The following SNX7 variants were observed in gnomAD, a reference collection of about 807,000 sequenced individuals.
The protein encoded by SNX7 is sorting nexin 7, also known as sorting nexin-7.
Under a neutral mutation model 48.4 loss-of-function variants are expected in SNX7, and 35 were observed. The observed-to-expected ratio is 0.72, with a 90% CI of 0.55 to 0.96. The LOEUF (loss-of-function observed/expected upper bound fraction) is 0.96, where lower values mean the gene tolerates loss of function less well. Ranked by LOEUF, SNX7 falls within the 40% of genes least tolerant of loss-of-function variation. SNX7 has a pLI of 0.00. For missense variants in SNX7, 553 were observed against 548.9 expected, an observed-to-expected ratio of 1.01 and a Z score of -0.07; for synonymous variants, 190 against 190.2, an observed-to-expected ratio of 1.00 and a Z score of 0.01.
chr1:98,704,522 G>A (rs1651918615), intron 7 of SNX7, among the ~76,000 whole-genome samples: 1 of 152,156 alleles, frequency 6.6e-6, no homozygotes, highest in East Asian at 1.9e-4. Context: ...ATCTACCAGA[G>A]TTACTCTAAA....
intron 1 of SNX7, among the ~76,000 whole-genome samples, chr1:98,669,402 TC>T (rs1649723858): frequency 6.6e-6 from 1 of 152,190 alleles, no homozygotes; most frequent in South Asian, 2.1e-4. Context: ...TTCTATGTGT[TC>T]CCAGCAAATC....
intron 8 of SNX7, among the ~76,000 whole-genome samples, chr1:98,742,945 T>C (rs1654142564): frequency 1.3e-5 from 2 of 152,072 alleles, no homozygotes; most frequent in Admixed American, 1.3e-4. Context: ...AATTTTCTTA[T>C]GATACATCAT....
chr1:98,686,714 A>G (rs1650821784), intron 2 of SNX7, among the ~76,000 whole-genome samples: 1 of 152,028 alleles, frequency 6.6e-6, no homozygotes, highest in Admixed American at 6.6e-5. Flanking sequence ...ACCTCTCTAT[A>G]TTAGTTTTCT....
At chr1:98,675,082 GACAC>G (rs1420721759) in intron 1 of SNX7, among the ~76,000 whole-genome samples, 52 of 152,140 alleles carry the variant, frequency 3.4e-4, no homozygotes, top group Non-Finnish European at 1.5e-5. Context: ...GAGACAGAGA[GACAC>G]ACATCCATTA....
intron 1 of SNX7, among the ~76,000 whole-genome samples, chr1:98,679,018 G>A (rs910365852): frequency 6.6e-6 from 1 of 152,178 alleles, no homozygotes; most frequent in African/African-American, 2.4e-5. Flanking sequence ...CTGGCAGGAT[G>A]TATTAATCTG....
chr1:98,663,250 CTGGTTTTTTTTTT>C (rs1649347836), intron 1 of SNX7, among the ~76,000 whole-genome samples: 2 of 52,192 alleles, frequency 3.8e-5, no homozygotes, highest in Admixed American at 2.9e-4. Context: ...GGGTTTCTTT[CTGGTTTTTTTTTT>C]TTTTTTTTTT....
At chr1:98,745,193 T>A (rs2101044893) in intron 8 of SNX7, among the ~76,000 whole-genome samples, 1 of 152,160 alleles carries the variant, frequency 6.6e-6, no homozygotes, top group African/African-American at 2.4e-5. Context: ...TTCTTTTAAA[T>A]TGTTGCAATA....
At chr1:98,712,974 C>G (rs1392719259) in intron 7 of SNX7, among the ~76,000 whole-genome samples, 1 of 151,900 alleles carries the variant, frequency 6.6e-6, no homozygotes, top group Non-Finnish European at 1.5e-5. Context: ...GCCTGTAATG[C>G]CAGCTACCCG....
At chr1:98,749,506 T>C (rs1654480216) in intron 8 of SNX7, among the ~76,000 whole-genome samples, 1 of 152,128 alleles carries the variant, frequency 6.6e-6, no homozygotes, top group Non-Finnish European at 1.5e-5. Flanking sequence ...AAGTTATTGG[T>C]ATTTCTAAAA....
chr1:98,723,916 T>C (rs1653026598), intron 7 of SNX7, among the ~76,000 whole-genome samples: 1 of 152,096 alleles, frequency 6.6e-6, no homozygotes, highest in African/African-American at 2.4e-5. Context: ...TTTGTCTTAT[T>C]TATTCAATAA....
intron 7 of SNX7, among the ~76,000 whole-genome samples, chr1:98,734,540 G>T (rs181581913): frequency 7.2e-4 from 110 of 152,210 alleles, no homozygotes; most frequent in African/African-American, 2.6e-3. Context: ...GTAATAGGAA[G>T]ATGATAATAC....
chr1:98,675,440 A>G (rs776222289), intron 1 of SNX7, among the ~76,000 whole-genome samples: 12 of 152,116 alleles, frequency 7.9e-5, no homozygotes, highest in Non-Finnish European at 1.2e-4. Context: ...CCTTTGCTAG[A>G]TATCGAAGCA....
chr1:98,670,805 A>G (rs959976154), intron 1 of SNX7, among the ~76,000 whole-genome samples: 3 of 152,196 alleles, frequency 2.0e-5, no homozygotes, highest in African/African-American at 7.2e-5. Flanking sequence ...GTATAAACAA[A>G]GAAAAAAAAA....
chr1:98,672,817 G>A (rs1210474989), intron 1 of SNX7, among the ~76,000 whole-genome samples: 3 of 150,222 alleles, frequency 2.0e-5, no homozygotes, highest in Non-Finnish European at 4.4e-5. Context: ...CCAGCTACTC[G>A]GGAGGCTGAG....
intron 8 of SNX7, among the ~76,000 whole-genome samples, chr1:98,743,581 C>T (rs1654178152): frequency 6.6e-6 from 1 of 151,944 alleles, no homozygotes; most frequent in Admixed American, 6.6e-5. Flanking sequence ...TTCTTAAAAT[C>T]CAAGTCTAGT....
intron 7 of SNX7, among the ~76,000 whole-genome samples, chr1:98,727,430 T>A (rs9324404): frequency 0.55 from 83,372 of 151,166 alleles, 23,961 homozygotes; most frequent in Non-Finnish European, 0.63. Flanking sequence ...AACCAAAAAA[T>A]ACACGCTGAA....
At chr1:98,749,062 T>C (rs11166101) in intron 8 of SNX7, among the ~76,000 whole-genome samples, 43,714 of 152,058 alleles carry the variant, frequency 0.29, 6,811 homozygotes, top group Non-Finnish European at 0.34. Flanking sequence ...TTAAACTGGA[T>C]AAACTTCATG....
intron 1 of SNX7, 37 bp from the exon 2 acceptor site, chr1:98,684,848 T>C (rs1650698762): frequency 7.3e-7 from 1 of 1,375,838 alleles, no homozygotes; most frequent in South Asian, 2.0e-5. Context: ...GTTTAATTTT[T>C]CTATTGATAC....
intron 8 of SNX7, among the ~76,000 whole-genome samples, chr1:98,746,169 A>C (rs1407560902): frequency 6.6e-6 from 1 of 152,078 alleles, no homozygotes; most frequent in Non-Finnish European, 1.5e-5. Context: ...TAAGTGAAGA[A>C]GCAAGAATTG....
Sources: allele counts gnomAD v4.1 joint callset (sites outside exome capture counted in the v4.1 genomes callset), GRCh38; gene constraint gnomAD v4.1.1; transcripts MANE v1.5; gene names NCBI Gene and HGNC (gene_info 2026-07-23, HGNC 2026-07-21).